Variants in CLCN5 observed in about 807,000 individuals in gnomAD.
CLCN5 encodes the protein Cl-/H+ antiporter 5, also known as H(+)/Cl(-) exchange transporter 5.
CLCN5 carries 17 observed loss-of-function variants against 54.0 expected under a neutral mutation model. The observed-to-expected ratio is 0.31, with a 90% CI of 0.22 to 0.47. The LOEUF (loss-of-function observed/expected upper bound fraction) is 0.47, where lower values mean the gene tolerates loss of function less well. CLCN5 is among the 20% of genes least tolerant of loss of function. The probability of loss-of-function intolerance (pLI) is 1.00; values close to 1 mark genes in which losing one functional copy is unlikely to be tolerated. For missense variants in CLCN5, 448 were observed against 646.7 expected, an observed-to-expected ratio of 0.69 and a Z score of 3.33; for synonymous variants, 222 against 233.0, an observed-to-expected ratio of 0.95 and a Z score of 0.43.
chrX:50,009,139 G>A, intron 3 of CLCN5: 2 of 272,253 alleles, frequency 7.3e-6, no homozygotes, highest in South Asian at 7.2e-5. Flanking sequence ...GAGATACAAC[G>A]GTAAATAAGA....
At chrX:50,016,627 A>G (rs1175130549) in intron 3 of CLCN5, among the ~76,000 whole-genome samples, 1 of 109,572 alleles carries the variant, frequency 9.1e-6, no homozygotes, top group Non-Finnish European at 1.9e-5. Context: ...TCTTTGTGTT[A>G]TATACTCTAT....
chrX:50,072,001 G>A (rs782803102), intron 5 of CLCN5, among the ~76,000 whole-genome samples: 34 of 111,644 alleles, frequency 3.0e-4, no homozygotes, highest in East Asian at 1.7e-3. Context: ...ACTTAGTATC[G>A]GTGACCACTG....
At chrX:50,016,478 G>A (rs1270733248) in intron 3 of CLCN5, among the ~76,000 whole-genome samples, 1 of 109,776 alleles carries the variant, frequency 9.1e-6, no homozygotes, top group Non-Finnish European at 1.9e-5. Context: ...CATGAGTGTT[G>A]TACACTTGTT....
At chrX:49,994,461 T>TAA (rs1557179365) in intron 3 of CLCN5, among the ~76,000 whole-genome samples, 1 of 110,856 alleles carries the variant, frequency 9.0e-6, no homozygotes, top group African/African-American at 3.3e-5. Context: ...TACCATATAA[T>TAA]ATAAGCTAAA....
intron 7 of CLCN5, among the ~76,000 whole-genome samples, chrX:50,076,748 G>T (rs1933419229): frequency 9.0e-6 from 1 of 111,462 alleles, no homozygotes; most frequent in Non-Finnish European, 1.9e-5. Context: ...TGCCTAGGCT[G>T]GTCTCGAACT....
intron 3 of CLCN5, among the ~76,000 whole-genome samples, chrX:50,000,023 T>A (rs1371147746): frequency 1.8e-5 from 2 of 111,246 alleles, no homozygotes; most frequent in African/African-American, 3.3e-5. Flanking sequence ...TCCTGCCCCA[T>A]GCAGGGGTGC....
At chrX:50,077,574 A>G (rs1200190748) in intron 7 of CLCN5, among the ~76,000 whole-genome samples, 1 of 103,013 alleles carries the variant, frequency 9.7e-6, no homozygotes, top group Non-Finnish European at 2.0e-5. Flanking sequence ...GAGAAGTCCT[A>G]CAACTTAGGG....
chrX:50,087,797 G>A (rs1367290173), intron 11 of CLCN5, among the ~76,000 whole-genome samples: 1 of 111,771 alleles, frequency 8.9e-6, no homozygotes, highest in Non-Finnish European at 1.9e-5. Context: ...CACTTAAAGG[G>A]AATTTGTAAA....
At chrX:50,057,977 A>G (rs1391424978) in intron 4 of CLCN5, among the ~76,000 whole-genome samples, 1 of 111,341 alleles carries the variant, frequency 9.0e-6, no homozygotes, top group Non-Finnish European at 1.9e-5. Flanking sequence ...GAAGTGGCAT[A>G]TAATAGGCTC....
chrX:49,938,310 A>C (rs1183528185), intron 3 of CLCN5, among the ~76,000 whole-genome samples: 1 of 112,041 alleles, frequency 8.9e-6, no homozygotes, highest in Non-Finnish European at 1.9e-5. Context: ...TATGGAACCA[A>C]AAAAGAGCCC....
chrX:50,056,888 G>C (rs1476035798), intron 4 of CLCN5, among the ~76,000 whole-genome samples: 1 of 111,620 alleles, frequency 9.0e-6, no homozygotes, highest in African/African-American at 3.3e-5. Flanking sequence ...CAATATCATA[G>C]ATTTGTTGGA....
chrX:50,063,446 A>G (rs1244233831), intron 4 of CLCN5, among the ~76,000 whole-genome samples: 6 of 108,456 alleles, frequency 5.5e-5, no homozygotes, highest in African/African-American at 2.2e-4. Context: ...ACACTCTCCC[A>G]AGACTAAACC....
In CLCN5 at chrX:50,086,563, G is replaced by A; in HGVS notation, c.1250G>A (p.Arg417Gln). ...ACAAACATTGCCTGGTGTCGGAAGC[G>A]AAAGACCACCCAGTTGGGCAAGTAT... ...IRTNIAWCRK[R>Q]KTTQLGKYPV... Residue 417 changes from arginine to glutamine, a missense_variant, in exon 11 of 15, where the codon CGA becomes CAA. Coordinates refer to ENST00000376091, the MANE Select transcript of CLCN5 (RefSeq NM_001127898.4). 1 of 1,211,201 alleles carries A rather than the reference G, an allele frequency of 8.3e-7. No homozygotes were observed. The highest frequency in any genetic ancestry group is 1.1e-6 in the Non-Finnish European group (1 of 895,399).
chrX:49,969,218 C>T (rs1928073764), intron 3 of CLCN5, among the ~76,000 whole-genome samples: 1 of 111,129 alleles, frequency 9.0e-6, no homozygotes, highest in African/African-American at 3.3e-5. Context: ...GCTGGGATTA[C>T]AGGTGCATGC....
chrX:50,045,152 C>G (rs936837042), intron 4 of CLCN5, among the ~76,000 whole-genome samples: 2 of 110,843 alleles, frequency 1.8e-5, no homozygotes, highest in Non-Finnish European at 3.8e-5. Context: ...GGTGAACATA[C>G]CAGTATAAAA....
rs189063647 is a variant in CLCN5 at position 50,084,782 on chromosome X, T to G, written c.934-1198T>G. On this transcript the variant is annotated intron_variant, in intron 9 of 14. Transcript: ENST00000376091. ...ATCAGCGGCAACCTTTTTTGTCTTA[T>G]GGCCTTGTCAAAGTGGGCAGATGGT... Among the ~76,000 whole-genome samples, 123 of 112,249 alleles carry G rather than the reference T, an allele frequency of 1.1e-3. No individual in the cohort carries two copies. The Admixed American group carries it at 0.012, about 10-fold the overall frequency.
intron 3 of CLCN5, among the ~76,000 whole-genome samples, chrX:50,028,941 A>G (rs1931550266): frequency 8.9e-6 from 1 of 111,814 alleles, no homozygotes; most frequent in Non-Finnish European, 1.9e-5. Flanking sequence ...CACATCTGGG[A>G]CAAATATACT....
At chrX:49,934,433 C>G (rs782081753) in intron 3 of CLCN5, among the ~76,000 whole-genome samples, 33 of 111,382 alleles carry the variant, frequency 3.0e-4, no homozygotes, top group African/African-American at 1.1e-3. Context: ...ATGCCAGATT[C>G]TCCTTCTTCT....
chrX:49,988,824 G>T (rs1432762537), intron 3 of CLCN5, among the ~76,000 whole-genome samples: 1 of 111,120 alleles, frequency 9.0e-6, no homozygotes. Context: ...ATAATATGGA[G>T]TGTGGGGGCT....
Sources: gnomAD v4.1 joint callset for allele counts (sites outside exome capture counted in the v4.1 genomes callset) on GRCh38, gnomAD v4.1.1 for gene constraint, MANE v1.5 for transcripts, NCBI Gene and HGNC (gene_info 2026-07-23, HGNC 2026-07-21) for gene names.